Variants in MCTP2 observed in about 807,000 individuals in gnomAD.
MCTP2 encodes the protein multiple C2 and transmembrane domain-containing protein 2.
MCTP2 carries 132 observed loss-of-function variants against 111.6 expected under a neutral mutation model. The observed-to-expected ratio is 1.18, with a 90% confidence interval of 1.03 to 1.37. The LOEUF is 1.37. MCTP2 is among the 40% of genes most tolerant of loss of function. The pLI, the probability that MCTP2 is intolerant of heterozygous loss-of-function variation, is 0.00. For missense variants in MCTP2, 1,183 were observed against 1,067.9 expected (o/e 1.11, Z -1.50); for synonymous variants, 395 against 387.7 (o/e 1.02, Z -0.22).
chr15:94,359,504 C>G (rs3743303), intron 10 of MCTP2, among the ~76,000 whole-genome samples: 1 of 152,254 alleles, frequency 6.6e-6, no homozygotes, highest in East Asian at 1.9e-4. Flanking sequence ...GAAGCTGGAT[C>G]TTGGGTTCAG....
At chr15:94,445,005 G>C (rs2084037288) in intron 19 of MCTP2, among the ~76,000 whole-genome samples, 1 of 152,178 alleles carries the variant, frequency 6.6e-6, no homozygotes, top group Non-Finnish European at 1.5e-5. Context: ...TCATAGTCTA[G>C]ACCAGTGGTT....
At chr15:94,270,953 A>G (rs1351646550) in intron 1 of MCTP2, among the ~76,000 whole-genome samples, 1 of 152,180 alleles carries the variant, frequency 6.6e-6, no homozygotes, top group Non-Finnish European at 1.5e-5. Flanking sequence ...GGAATATCCC[A>G]TCGTTACTTA....
Position 94,476,757 on chromosome 15 carries a change from A to G in MCTP2, c.2532A>G (p.Leu844=), listed in dbSNP as rs1427793070. 4 of 1,609,102 alleles carry G rather than the reference A, an allele frequency of 2.5e-6. No individual in the cohort carries two copies. In the Admixed American group the frequency reaches 5.0e-5, roughly 20 times the overall value. ...ATTCCATCGACAATAATGAGCTACTAGACTTCCTCTCTAGGGTACCGTCTG... is the reference window on the plus strand; with the variant it reads ...ATTCCATCGACAATAATGAGCTACTGGACTTCCTCTCTAGGGTACCGTCTG... ...NPYSIDNNEL[L]DFLSRVPSDV... Residue 844 remains leucine, a synonymous_variant, in exon 22 of 23, where the codon CTA becomes CTG. Transcript: ENST00000357742.
chr15:94,249,626 C>T (rs1301782587), intron 1 of MCTP2, among the ~76,000 whole-genome samples: 4 of 152,054 alleles, frequency 2.6e-5, no homozygotes, highest in African/African-American at 7.2e-5. Flanking sequence ...GCTGGGACTA[C>T]AGGCACCCGC....
intron 20 of MCTP2, among the ~76,000 whole-genome samples, chr15:94,462,090 G>A (rs903145581): frequency 1.4e-4 from 22 of 152,144 alleles, no homozygotes; most frequent in Non-Finnish European, 2.4e-4. Context: ...AAGAGTCAGA[G>A]GACCTCATTT....
rs142494595 is a variant in MCTP2 at position 94,289,730 on chromosome 15, G to C, written c.-65-8471G>C. Among the ~76,000 whole-genome samples, 28 of 152,236 alleles carry C rather than the reference G, an allele frequency of 1.8e-4. No homozygotes were observed. The East Asian group carries it at 5.0e-3, about 27-fold the overall frequency. ...TGTATTATTATATTATGGGAGAAGA[G>C]ACCTATACGCTGGTATGGTAGACAG... On this transcript the variant is annotated intron_variant, in intron 1 of 22. Coordinates refer to ENST00000357742, the MANE Select transcript of MCTP2 (RefSeq NM_001385001.1).
intron 21 of MCTP2, among the ~76,000 whole-genome samples, chr15:94,471,609 A>T (rs1481770570): frequency 1.3e-5 from 2 of 152,174 alleles, no homozygotes; most frequent in Non-Finnish European, 2.9e-5. Flanking sequence ...ATCTATTTTA[A>T]TACTTGATGA....
chr15:94,356,185 C>G lies in MCTP2; in HGVS notation c.1054C>G (p.Gln352Glu), dbSNP rs533567622. 1 of 1,612,814 alleles carries G rather than the reference C, an allele frequency of 6.2e-7. No homozygotes were observed. Among genetic ancestry groups the G allele is most frequent in the South Asian group, 1.1e-5 (1 of 90,850 alleles). The change falls in exon 9 of 23, where the codon CAA (glutamine) becomes GAA (glutamate). Residue 352 changes from glutamine (Q) to glutamate (E), a missense_variant. Physicochemically the swap from Gln to Glu is conservative, Grantham distance 29. Coordinates refer to ENST00000357742, the MANE Select transcript of MCTP2 (RefSeq NM_001385001.1). ...GCTCTCTGAGTCCTTGAAAAAGAAC[C>G]AACTCTGGAACGGGATTATAAGTAT... ...LRLSESLKKN[Q>E]LWNGIISITL...
intron 1 of MCTP2, among the ~76,000 whole-genome samples, chr15:94,254,126 T>C (rs2072614428): frequency 6.6e-6 from 1 of 152,208 alleles, no homozygotes; most frequent in Non-Finnish European, 1.5e-5. Context: ...ATTGCTTCTG[T>C]TTATTATTGC....
intron 2 of MCTP2, among the ~76,000 whole-genome samples, chr15:94,309,541 A>T (rs555133717): frequency 6.6e-6 from 1 of 152,324 alleles, no homozygotes; most frequent in East Asian, 1.9e-4. Flanking sequence ...AAGACCCTTC[A>T]GACAGCCACA....
At chr15:94,398,217 C>T (rs1313586186) in intron 14 of MCTP2, among the ~76,000 whole-genome samples, 1 of 152,170 alleles carries the variant, frequency 6.6e-6, no homozygotes, top group East Asian at 1.9e-4. Flanking sequence ...ATTTTGACCT[C>T]AACCTTAAGC....
intron 1 of MCTP2, among the ~76,000 whole-genome samples, chr15:94,283,888 A>G (rs572491102): frequency 6.6e-6 from 1 of 152,124 alleles, no homozygotes; most frequent in African/African-American, 2.4e-5. Context: ...GAACTCACCA[A>G]ATTTTCTTTT....
In MCTP2 at chr15:94,483,655, G is replaced by A. The variant is rs1484999183; in HGVS notation, c.*4621G>A. On this transcript the variant is annotated 3_prime_UTR_variant, in exon 23 of 23. Transcript: ENST00000357742. ...CATTTATAGGTAGGAGTTAAATGAT[G>A]AGAACACATGGACATGTAGAAGGGA... The A allele has an allele frequency of 6.6e-6, 1 of 152,202 alleles. No homozygotes were observed. Among genetic ancestry groups the A allele is most frequent in the East Asian group, 1.9e-4 (1 of 5,198 alleles). The allele number at this position is 152,202 out of a possible 1,614,324, so 9.4% of individuals were successfully genotyped here.
intron 8 of MCTP2, among the ~76,000 whole-genome samples, chr15:94,348,206 C>T (rs2078092821): frequency 6.6e-6 from 1 of 151,518 alleles, no homozygotes; most frequent in Non-Finnish European, 1.5e-5. Flanking sequence ...TATTTTGGTT[C>T]CTCTCTGTTA....
chr15:94,471,791 A>C (rs2073954726), intron 21 of MCTP2, among the ~76,000 whole-genome samples: 1 of 151,780 alleles, frequency 6.6e-6, no homozygotes, highest in Non-Finnish European at 1.5e-5. Flanking sequence ...TTCCTGAATA[A>C]TTTATATACT....
In MCTP2 at chr15:94,480,636, T is replaced by A. The variant is rs2074678622; in HGVS notation, c.*1602T>A. ...TCTGTGTAAACAATGCCTCATTGTCTTGCTTCTAACTATCATCTAGTTTAT... is the reference window on the plus strand; with the variant it reads ...TCTGTGTAAACAATGCCTCATTGTCATGCTTCTAACTATCATCTAGTTTAT... On this transcript the variant is annotated 3_prime_UTR_variant, in exon 23 of 23. Coordinates refer to ENST00000357742, the MANE Select transcript of MCTP2 (RefSeq NM_001385001.1). 6.6e-6 allele frequency: 1 copy of A among 152,264 alleles called. No individual in the cohort carries two copies. The highest frequency in any genetic ancestry group is 2.1e-4 in the South Asian group (1 of 4,834). 9.4% of individuals were successfully genotyped at this position (152,264 alleles called of 1,614,324 possible).
intron 4 of MCTP2, 127 bp from the exon 5 acceptor site, chr15:94,339,163 C>T (rs570925529): frequency 5.8e-5 from 36 of 618,106 alleles, no homozygotes; most frequent in South Asian, 6.6e-5. Context: ...CTTCCATCTC[C>T]GAGCCCTTTA....
intron 1 of MCTP2, among the ~76,000 whole-genome samples, chr15:94,297,825 C>T (rs1293524621): frequency 1.3e-5 from 2 of 152,272 alleles, no homozygotes; most frequent in African/African-American, 4.8e-5. Flanking sequence ...AAAGTCCCCA[C>T]CCCTTGATCA....
chr15:94,382,852 A>C (rs1418009781), intron 12 of MCTP2, among the ~76,000 whole-genome samples: 2 of 152,260 alleles, frequency 1.3e-5, no homozygotes, highest in African/African-American at 2.4e-5. Context: ...TGTCCTACGG[A>C]CATTACGGAG....
Sources: gnomAD v4.1 joint callset for allele counts (sites outside exome capture counted in the v4.1 genomes callset) on GRCh38, gnomAD v4.1.1 for gene constraint, MANE v1.5 for transcripts, NCBI Gene and HGNC (gene_info 2026-07-23, HGNC 2026-07-21) for gene names.